The following PIAS1 variants were observed in gnomAD, a reference collection of about 807,000 sequenced individuals.
PIAS1 encodes the protein protein inhibitor of activated STAT 1.
A neutral mutation model predicts 71.3 loss-of-function variants in PIAS1; 6 were observed. The observed-to-expected ratio is 0.08, with a 90% CI of 0.05 to 0.17. The LOEUF (loss-of-function observed/expected upper bound fraction) is 0.17. Ranked by LOEUF, PIAS1 falls within the 10% of genes least tolerant of loss-of-function variation. PIAS1 has a pLI of 1.00. For synonymous variants in PIAS1, 303 were observed against 292.9 expected (o/e 1.03, Z -0.35); for missense variants, 555 against 793.6 (o/e 0.70, Z 3.61).
chr15:68,071,547 C>T (rs1002159320), intron 1 of PIAS1, among the ~76,000 whole-genome samples: 1 of 150,522 alleles, frequency 6.6e-6, no homozygotes, highest in African/African-American at 2.4e-5. Flanking sequence ...AAATAATAAA[C>T]GATAATAGAA....
intron 2 of PIAS1, among the ~76,000 whole-genome samples, chr15:68,099,838 A>G (rs2092408212): frequency 6.6e-6 from 1 of 152,036 alleles, no homozygotes; most frequent in African/African-American, 2.4e-5. Flanking sequence ...GTATGTAGCG[A>G]TAACTCATTT....
At chr15:68,100,495 G>A (rs1320140181) in intron 2 of PIAS1, among the ~76,000 whole-genome samples, 1 of 152,106 alleles carries the variant, frequency 6.6e-6, no homozygotes, top group Admixed American at 6.5e-5. Context: ...GGGGCGGGGA[G>A]GGGGGCGCTG....
chr15:68,126,916 A>AT (rs997675431), intron 2 of PIAS1, among the ~76,000 whole-genome samples: 6 of 149,278 alleles, frequency 4.0e-5, no homozygotes, highest in South Asian at 2.1e-4. Flanking sequence ...ATGTCTGTTC[A>AT]TTTTTTTTGA....
At position 68,178,220 on chromosome 15, in the gene PIAS1, A is replaced by G. The variant is rs1269152101; in HGVS notation, c.1481+1566A>G. ...GGGAGGTGGAGGTTGCAGTGAGCTA[A>G]GATCGTGCCACTGCACTCCAACCTG... is the stretch of plus-strand genomic sequence containing the variant. On this transcript the variant is annotated intron_variant, in intron 11 of 13. Transcript: ENST00000249636. The surrounding 1 kb of genome is among the most constrained non-coding windows in gnomAD (Gnocchi z 4.2). Among the ~76,000 whole-genome samples, 1 of 152,210 alleles carries G rather than the reference A, an allele frequency of 6.6e-6. No individual in the cohort carries two copies. Among genetic ancestry groups the G allele is most frequent in the Non-Finnish European group, 1.5e-5 (1 of 68,036 alleles).
chr15:68,112,922 G>A (rs560207803), intron 2 of PIAS1, among the ~76,000 whole-genome samples: 4 of 152,110 alleles, frequency 2.6e-5, no homozygotes, highest in Non-Finnish European at 5.9e-5. Flanking sequence ...GATTCATCAA[G>A]GCATTAATTC....
At chr15:68,168,328 C>T (rs2092969919) in intron 8 of PIAS1, among the ~76,000 whole-genome samples, 1 of 152,102 alleles carries the variant, frequency 6.6e-6, no homozygotes, top group Non-Finnish European at 1.5e-5. Flanking sequence ...TTTAATGTCA[C>T]ACTTTTTCCT....
At chr15:68,111,564 T>C (rs1039902782) in intron 2 of PIAS1, among the ~76,000 whole-genome samples, 1 of 152,282 alleles carries the variant, frequency 6.6e-6, no homozygotes, top group African/African-American at 2.4e-5. Flanking sequence ...ATTCCTATCC[T>C]GCAATTTAAC....
intron 7 of PIAS1, among the ~76,000 whole-genome samples, chr15:68,156,543 C>A (rs1038770978): frequency 6.6e-6 from 1 of 151,714 alleles, no homozygotes; most frequent in Non-Finnish European, 1.5e-5. Flanking sequence ...CCTGTCTCTA[C>A]TAAAAATACA....
chr15:68,115,771 C>T (rs539618433), intron 2 of PIAS1, among the ~76,000 whole-genome samples: 17 of 151,948 alleles, frequency 1.1e-4, no homozygotes, highest in Non-Finnish European at 2.1e-4. Context: ...TTGTCAAATG[C>T]GTTTTCCTCA....
At chr15:68,123,785 CTT>C (rs962757063) in intron 2 of PIAS1, among the ~76,000 whole-genome samples, 2 of 152,088 alleles carry the variant, frequency 1.3e-5, no homozygotes, top group African/African-American at 2.4e-5. Flanking sequence ...TAAAAGGAAA[CTT>C]GTATAATTTC....
chr15:68,148,032 T>G (rs1452676161), intron 6 of PIAS1, among the ~76,000 whole-genome samples: 1 of 152,200 alleles, frequency 6.6e-6, no homozygotes, highest in Non-Finnish European at 1.5e-5. Flanking sequence ...GGGAAAAAAG[T>G]TCATTTTCAT....
chr15:68,177,308 A>G (rs889828458), intron 11 of PIAS1, among the ~76,000 whole-genome samples: 3 of 151,628 alleles, frequency 2.0e-5, no homozygotes, highest in African/African-American at 7.3e-5. Context: ...GAAAGAAAAA[A>G]TTTGTATTTC....
chr15:68,122,228 A>G (rs1249241358), intron 2 of PIAS1, among the ~76,000 whole-genome samples: 1 of 152,312 alleles, frequency 6.6e-6, no homozygotes, highest in East Asian at 1.9e-4. Flanking sequence ...TCAAAGGGGA[A>G]AATGGCCAAG....
intron 7 of PIAS1, among the ~76,000 whole-genome samples, chr15:68,156,664 G>A (rs2092891394): frequency 6.8e-6 from 1 of 147,048 alleles, no homozygotes; most frequent in Non-Finnish European, 1.5e-5. Flanking sequence ...AGCTGAGATC[G>A]CACCACTGCA....
At chr15:68,126,878 C>A (rs2092654760) in intron 2 of PIAS1, among the ~76,000 whole-genome samples, 1 of 151,094 alleles carries the variant, frequency 6.6e-6, no homozygotes, top group South Asian at 2.1e-4. Context: ...ACATTGAAGG[C>A]TTTCCTCTGA....
intron 1 of PIAS1, among the ~76,000 whole-genome samples, chr15:68,080,407 T>C (rs1289665797): frequency 6.6e-6 from 1 of 151,966 alleles, no homozygotes; most frequent in Non-Finnish European, 1.5e-5. Flanking sequence ...ACTAGAGGAG[T>C]AGGCACTACA....
At chr15:68,067,866 T>C (rs2092046409) in intron 1 of PIAS1, among the ~76,000 whole-genome samples, 1 of 152,192 alleles carries the variant, frequency 6.6e-6, no homozygotes, top group South Asian at 2.1e-4. Flanking sequence ...CTCTTCCCCA[T>C]TTCTTCTAGG....
chr15:68,124,406 G>GT (rs553374128), intron 2 of PIAS1, among the ~76,000 whole-genome samples: 62,816 of 143,066 alleles, frequency 0.44, 13,830 homozygotes, highest in Middle Eastern at 0.56. Flanking sequence ...GTTGTTTTTT[G>GT]TTTTTTTTTT....
intron 2 of PIAS1, among the ~76,000 whole-genome samples, chr15:68,131,548 A>T (rs901725903): frequency 6.6e-6 from 1 of 151,658 alleles, no homozygotes; most frequent in Non-Finnish European, 1.5e-5. Flanking sequence ...CTTTGTTTCT[A>T]TGAGTTTGAT....
Sources: allele counts gnomAD v4.1 joint callset (sites outside exome capture counted in the v4.1 genomes callset), GRCh38; gene constraint gnomAD v4.1.1; non-coding constraint Gnocchi (gnomAD v3.1); transcripts MANE v1.5; gene names NCBI Gene and HGNC (gene_info 2026-07-23, HGNC 2026-07-21).